TCF4: variants seen among roughly 807,000 people sequenced by gnomAD.
The protein encoded by TCF4 is transcription factor 4.
Under a neutral mutation model 82.1 loss-of-function variants are expected in TCF4, and 3 were observed. The ratio of observed to expected loss-of-function variants is 0.04; its 90% CI spans 0.02 to 0.09. The LOEUF is 0.09. Ranked by LOEUF, TCF4 falls within the 10% of genes least tolerant of loss-of-function variation. The probability of loss-of-function intolerance (pLI) is 1.00; values close to 1 mark genes in which losing one functional copy is unlikely to be tolerated. For synonymous variants in TCF4, 276 were observed against 309.6 expected (o/e 0.89, Z 1.14); for missense variants, 518 against 852.7 (o/e 0.61, Z 4.89).
At chr18:55,416,438 C>A (rs1014623508) in intron 5 of TCF4, among the ~76,000 whole-genome samples, 4 of 152,172 alleles carry the variant, frequency 2.6e-5, no homozygotes, top group Non-Finnish European at 5.9e-5. Context: ...ACTGTCCCTC[C>A]ACCTAAATGA....
rs547726920 is a variant in TCF4, at chr18:55,473,053, T to C, written c.146-8916A>G. Among the ~76,000 whole-genome samples, 62 of 152,232 alleles carry C rather than the reference T, an allele frequency of 4.1e-4. 1 individual carries two copies. The highest frequency in any genetic ancestry group is 4.4e-4 in the Non-Finnish European group (30 of 68,044). On this transcript the variant is annotated intron_variant, in intron 3 of 19. Coordinates refer to ENST00000354452, the MANE Select transcript of TCF4 (RefSeq NM_001083962.2). ...TTTCAAACCATACATGTAATATTTA[T>C]AGTGCAAAATCCATAATATTGTAAT... is the stretch of plus-strand genomic sequence containing the variant.
chr18:55,554,627 C>G (rs1288132344), intron 3 of TCF4, among the ~76,000 whole-genome samples: 1 of 152,106 alleles, frequency 6.6e-6, no homozygotes, highest in South Asian at 2.1e-4. Context: ...TCTGAAAGTT[C>G]AACAGAAAGC....
chr18:55,428,037 T>C (rs2095056261), intron 5 of TCF4, among the ~76,000 whole-genome samples: 2 of 152,042 alleles, frequency 1.3e-5, no homozygotes, highest in South Asian at 4.1e-4. Flanking sequence ...CTTTGCCAAG[T>C]CAGATGAAAG....
chr18:55,586,291 AT>A (rs2097650595), intron 2 of TCF4: 1 of 860,802 alleles, frequency 1.2e-6, no homozygotes, highest in Admixed American at 2.2e-5. Flanking sequence ...GATTCTTTTT[AT>A]TTTGCTTTAC....
intron 3 of TCF4, among the ~76,000 whole-genome samples, chr18:55,524,914 G>A (rs2096965666): frequency 2.6e-5 from 4 of 152,178 alleles, no homozygotes; most frequent in Admixed American, 2.6e-4. Flanking sequence ...ATAATACTCT[G>A]AGGCCCACAA....
intron 5 of TCF4, among the ~76,000 whole-genome samples, chr18:55,438,356 G>A (rs2095372885): frequency 6.6e-6 from 1 of 151,966 alleles, no homozygotes; most frequent in African/African-American, 2.4e-5. Context: ...GCACATGTTA[G>A]TACCCCCTCA....
At chr18:55,616,921 C>A (rs1334776464) in intron 2 of TCF4, among the ~76,000 whole-genome samples, 1 of 152,048 alleles carries the variant, frequency 6.6e-6, no homozygotes, top group Non-Finnish European at 1.5e-5. Flanking sequence ...CTTAGCTGTG[C>A]AGAAACTTTT....
chr18:55,374,116 T>C (rs1324399183), intron 6 of TCF4, among the ~76,000 whole-genome samples: 2 of 151,826 alleles, frequency 1.3e-5, no homozygotes, highest in Non-Finnish European at 2.9e-5. Context: ...TAAATGATAG[T>C]GATAGCTGTA....
chr18:55,236,081 G>A (rs922558043), intron 15 of TCF4, among the ~76,000 whole-genome samples: 1 of 152,112 alleles, frequency 6.6e-6, no homozygotes, highest in East Asian at 1.9e-4. Flanking sequence ...GTGTGTGTGT[G>A]TGTGTGTGTG....
At chr18:55,435,719 G>T (rs573355100) in intron 5 of TCF4, among the ~76,000 whole-genome samples, 3 of 152,040 alleles carry the variant, frequency 2.0e-5, no homozygotes, top group African/African-American at 4.8e-5. Flanking sequence ...ACTCAAACAC[G>T]CCTCCATCCA....
At position 55,332,025 on chromosome 18, in the gene TCF4, T is replaced by C. The variant is rs2077665242; in HGVS notation, c.549+18334A>G. ...CACATCTATTGTCACTTTTGAGAGGTGATACTGTTATGCCACTTATTATGT... is the reference window on the plus strand; with the variant it reads ...CACATCTATTGTCACTTTTGAGAGGCGATACTGTTATGCCACTTATTATGT... On this transcript the variant is annotated intron_variant, in intron 8 of 19. Transcript: ENST00000354452. 3 of 152,174 alleles carry C rather than the reference T, an allele frequency of 2.0e-5. No homozygotes were observed. The South Asian group carries it at 6.2e-4, about 31-fold the overall frequency. 9.4% of individuals were successfully genotyped at this position (152,174 alleles called of 1,614,324 possible).
chr18:55,483,119 C>CT (rs1294082904), intron 3 of TCF4, among the ~76,000 whole-genome samples: 2 of 152,178 alleles, frequency 1.3e-5, no homozygotes, highest in African/African-American at 4.8e-5. Flanking sequence ...ATAAGGCACC[C>CT]TCGGCGACTC....
At chr18:55,327,163 A>C (rs1423873014) in intron 8 of TCF4, among the ~76,000 whole-genome samples, 1 of 152,164 alleles carries the variant, frequency 6.6e-6, no homozygotes, top group East Asian at 1.9e-4. Flanking sequence ...TAAGATTTTT[A>C]CTTTTTCAAT....
At chr18:55,530,167 C>T (rs1603619389) in intron 3 of TCF4, among the ~76,000 whole-genome samples, 1 of 152,054 alleles carries the variant, frequency 6.6e-6, no homozygotes, top group Non-Finnish European at 1.5e-5. Context: ...AATTGAACGG[C>T]AATTGTGGAT....
In TCF4 at chr18:55,270,060, G is replaced by T. The variant is rs1026069052; in HGVS notation, c.790-97C>A. The T allele has an allele frequency of 8.1e-6, 12 of 1,474,442 alleles. No individual in the cohort carries two copies. The African/African-American group carries it at 1.4e-4, about 17-fold the overall frequency. 91.3% of individuals were successfully genotyped at this position (1,474,442 alleles called of 1,614,324 possible). On this transcript the variant is annotated intron_variant, in intron 10 of 19. Coordinates refer to ENST00000354452, the MANE Select transcript of TCF4 (RefSeq NM_001083962.2). ...TTCTCACAACTCTCTATTTTACAAT[G>T]GAGACAGCTTTTAGAATTTCAAAAT...
At chr18:55,530,593 G>A (rs1289830971) in intron 3 of TCF4, among the ~76,000 whole-genome samples, 1 of 151,576 alleles carries the variant, frequency 6.6e-6, no homozygotes, top group Non-Finnish European at 1.5e-5. Flanking sequence ...GGGAAAAAGA[G>A]GGTCAGGAGG....
chr18:55,632,613 T>TG (rs1239623166), intron 1 of TCF4, among the ~76,000 whole-genome samples: 1 of 152,194 alleles, frequency 6.6e-6, no homozygotes, highest in African/African-American at 2.4e-5. Context: ...CAAAGAATGA[T>TG]GCTCTTACAG....
chr18:55,258,537 C>T (rs759856828), intron 13 of TCF4, among the ~76,000 whole-genome samples: 24 of 152,144 alleles, frequency 1.6e-4, no homozygotes, highest in Non-Finnish European at 8.8e-5. Flanking sequence ...GCTATTACCA[C>T]TGGTAATAAA....
chr18:55,312,082 T>C (rs925605335), intron 8 of TCF4, among the ~76,000 whole-genome samples: 1 of 152,212 alleles, frequency 6.6e-6, no homozygotes, highest in African/African-American at 2.4e-5. Flanking sequence ...GACACTGTTG[T>C]CTATACATAA....
Sources: allele counts gnomAD v4.1 joint callset (sites outside exome capture counted in the v4.1 genomes callset), GRCh38; gene constraint gnomAD v4.1.1; transcripts MANE v1.5; gene names NCBI Gene and HGNC (gene_info 2026-07-23, HGNC 2026-07-21).